SULT2B1: variants seen among roughly 807,000 people sequenced by gnomAD.
SULT2B1 encodes the protein sulfotransferase family 2B member 1, also known as sulfotransferase 2B1.
In SULT2B1, 16 loss-of-function variants were observed where a neutral mutation model predicts 33.2. That is an observed-to-expected ratio of 0.48 (90% CI 0.33 to 0.73). The LOEUF is 0.73. SULT2B1 is among the 30% of genes least tolerant of loss of function. The pLI, the probability that SULT2B1 is intolerant of heterozygous loss-of-function variation, is 0.02. For missense variants in SULT2B1, 500 were observed against 506.0 expected, an observed-to-expected ratio of 0.99 and a Z score of 0.11; for synonymous variants, 186 against 200.5, an observed-to-expected ratio of 0.93 and a Z score of 0.61.
intron 2 of SULT2B1, among the ~76,000 whole-genome samples, chr19:48,576,732 T>C (rs1270607250): frequency 6.7e-6 from 1 of 150,154 alleles, no homozygotes; most frequent in African/African-American, 2.5e-5. Context: ...CTTGACCTCC[T>C]GGACTCACAT....
intron 3 of SULT2B1, among the ~76,000 whole-genome samples, chr19:48,590,892 G>T (rs954295417): frequency 6.6e-6 from 1 of 151,952 alleles, no homozygotes; most frequent in African/African-American, 2.4e-5. Flanking sequence ...GGAGTGCAGT[G>T]GTGTGATCAC....
intron 1 of SULT2B1, among the ~76,000 whole-genome samples, chr19:48,557,974 A>C (rs1273175575): frequency 6.6e-6 from 1 of 152,110 alleles, no homozygotes; most frequent in Admixed American, 6.6e-5. Flanking sequence ...AGAGGAAAAC[A>C]TTTGGCACAG....
intron 2 of SULT2B1, among the ~76,000 whole-genome samples, chr19:48,582,642 A>G (rs10420172): frequency 0.23 from 34,187 of 151,000 alleles, 4,977 homozygotes; most frequent in African/African-American, 0.42. Flanking sequence ...GAGGCCAGCA[A>G]TAGGAGACCA....
At chr19:48,554,372 T>A (rs941961114) in intron 1 of SULT2B1, among the ~76,000 whole-genome samples, 2 of 143,634 alleles carry the variant, frequency 1.4e-5, no homozygotes, top group African/African-American at 5.2e-5. Context: ...CTGGCTCAGA[T>A]CCACAGGGCT....
At position 48,596,903 on chromosome 19, in the gene SULT2B1, G is replaced by A; in HGVS notation, c.810G>A (p.Gly270=). The change falls in exon 6 of 7, where the codon GGG becomes GGA. Residue 270 remains glycine, a synonymous_variant. Coordinates refer to ENST00000201586, the MANE Select transcript of SULT2B1 (RefSeq NM_177973.2). ...LPPSLLDHRR[G]AFLRKGVCGD... is the part of the protein sequence containing the mutation. ...CCAGCCTGCTGGACCACCGTCGCGG[G>A]GCCTTCCTCCGGAAAGGTGCGGGGG... 1 of 1,598,194 alleles carries A rather than the reference G, an allele frequency of 6.3e-7. No individual in the cohort carries two copies.
chr19:48,558,481 C>T (rs1159307752), intron 1 of SULT2B1, among the ~76,000 whole-genome samples: 2 of 152,072 alleles, frequency 1.3e-5, no homozygotes, highest in Non-Finnish European at 1.5e-5. Context: ...CCGCTCCTCC[C>T]CGCGCTCTGA....
intron 1 of SULT2B1, among the ~76,000 whole-genome samples, chr19:48,556,073 G>T (rs143883499): frequency 2.6e-5 from 4 of 152,156 alleles, no homozygotes; most frequent in Non-Finnish European, 5.9e-5. Flanking sequence ...AAAGGGTTTC[G>T]CCACTTTCGG....
intron 1 of SULT2B1, among the ~76,000 whole-genome samples, chr19:48,566,365 C>T (rs995028935): frequency 1.3e-5 from 2 of 151,860 alleles, no homozygotes; most frequent in African/African-American, 2.4e-5. Context: ...ATCACAGGCA[C>T]GAGCCACCGC....
chr19:48,589,989 C>CT (rs1009229132), intron 3 of SULT2B1, among the ~76,000 whole-genome samples: 2 of 151,624 alleles, frequency 1.3e-5, no homozygotes, highest in African/African-American at 4.8e-5. Flanking sequence ...TTTCTTTTTT[C>CT]TTTTTTTGAG....
At chr19:48,569,780 C>T (rs1973296643) in intron 1 of SULT2B1, among the ~76,000 whole-genome samples, 1 of 151,926 alleles carries the variant, frequency 6.6e-6, no homozygotes, top group Non-Finnish European at 1.5e-5. Flanking sequence ...GATTCTCCTG[C>T]CTCAGGCTCC....
intron 2 of SULT2B1, among the ~76,000 whole-genome samples, 190 bp from the exon 3 acceptor site, chr19:48,587,039 G>A (rs1973569859): frequency 6.6e-6 from 1 of 152,064 alleles, no homozygotes; most frequent in African/African-American, 2.4e-5. Flanking sequence ...TTGAGCCTGG[G>A]AGGTGGAGGT....
At chr19:48,571,995 G>C (rs893149545) in intron 1 of SULT2B1, among the ~76,000 whole-genome samples, 6 of 152,152 alleles carry the variant, frequency 3.9e-5, no homozygotes, top group African/African-American at 1.4e-4. Flanking sequence ...CCATTTCTTG[G>C]AGCATGAAGT....
chr19:48,590,151 C>G (rs899856626), intron 3 of SULT2B1, among the ~76,000 whole-genome samples: 1 of 151,936 alleles, frequency 6.6e-6, no homozygotes, highest in Non-Finnish European at 1.5e-5. Flanking sequence ...CCATGCCCAG[C>G]TAATTTTTTG....
intron 3 of SULT2B1, chr19:48,591,103 G>C (rs948651544): frequency 2.0e-5 from 3 of 152,944 alleles, no homozygotes; most frequent in African/African-American, 7.2e-5. Context: ...AAAGTGCTGG[G>C]ATTACAGACA....
chr19:48,583,536 G>A (rs1050682247), intron 2 of SULT2B1, among the ~76,000 whole-genome samples: 10 of 152,168 alleles, frequency 6.6e-5, no homozygotes, highest in Non-Finnish European at 1.2e-4. Flanking sequence ...AAGGAAATTC[G>A]TCCGGGTGCA....
At chr19:48,591,519 A>G (rs1973642205) in intron 3 of SULT2B1, 90 bp from the exon 4 acceptor site, 3 of 1,453,002 alleles carry the variant, frequency 2.1e-6, no homozygotes, top group Non-Finnish European at 2.8e-6. Flanking sequence ...CAGGGTCAGA[A>G]GAGAGGGGTC....
At chr19:48,593,224 C>T (rs1187543765) in intron 5 of SULT2B1, among the ~76,000 whole-genome samples, 4 of 152,044 alleles carry the variant, frequency 2.6e-5, no homozygotes, top group South Asian at 2.1e-4. Context: ...CACTGTACTC[C>T]GGCCTGGGCA....
chr19:48,597,705 G>A (rs1406782579), intron 6 of SULT2B1, among the ~76,000 whole-genome samples: 13 of 144,826 alleles, frequency 9.0e-5, no homozygotes, highest in Non-Finnish European at 1.6e-4. Context: ...GTGCAATGGC[G>A]CGATCTCGGC....
chr19:48,561,146 C>T lies in SULT2B1; in HGVS notation c.71+8823C>T, dbSNP rs147732911. Among the ~76,000 whole-genome samples the T allele has an allele frequency of 3.7e-3, 548 of 146,752 alleles. 7 individuals are homozygous for T. The highest frequency in any genetic ancestry group is 0.013 in the African/African-American group (515 of 39,554). ...AGATCTTGTCTCAAAAAAATAAATTCGGGCCCGGTGTGGTGGCTCATGCCT... is the reference window on the plus strand; with the variant it reads ...AGATCTTGTCTCAAAAAAATAAATTTGGGCCCGGTGTGGTGGCTCATGCCT... On this transcript the variant is annotated intron_variant, in intron 1 of 6. Coordinates refer to ENST00000201586, the MANE Select transcript of SULT2B1 (RefSeq NM_177973.2).
Sources: allele counts gnomAD v4.1 joint callset (sites outside exome capture counted in the v4.1 genomes callset), GRCh38; gene constraint gnomAD v4.1.1; transcripts MANE v1.5; gene names NCBI Gene and HGNC (gene_info 2026-07-23, HGNC 2026-07-21).